GCSH: variants seen among roughly 807,000 people sequenced by gnomAD.
GCSH encodes the protein glycine cleavage system protein H, also known as glycine cleavage system H protein, mitochondrial.
In GCSH, 15 loss-of-function variants were observed where a neutral mutation model predicts 21.3. That is an observed-to-expected ratio of 0.70 (90% CI 0.47 to 1.08). The LOEUF is 1.08. Among genes scored for constraint, GCSH ranks in the 50% least tolerant of loss-of-function variants. GCSH has a pLI of 0.00. For missense variants in GCSH, 179 were observed against 217.5 expected (o/e 0.82, Z 1.11); for synonymous variants, 59 against 84.5 (o/e 0.70, Z 1.66).
chr16:81,082,811 A>T lies in GCSH; in HGVS notation c.*55T>A. 2.4e-6 allele frequency: 2 copies of T among 837,166 alleles called. No homozygotes were observed. Among genetic ancestry groups the T allele is most frequent in the Admixed American group, 3.5e-5 (2 of 56,476 alleles). 51.9% of individuals were successfully genotyped at this position (837,166 alleles called of 1,614,324 possible). A position where few individuals can be genotyped will look rare whatever the true frequency, so the allele number is the denominator to read the frequency against. Reference sequence around the variant, plus strand: ...AAGTCTTCTATCCACCACTAATTTAAGACAACTCTGCTGGCTTGCGTTATT... The same window carrying T: ...AAGTCTTCTATCCACCACTAATTTATGACAACTCTGCTGGCTTGCGTTATT... On this transcript the variant is annotated 3_prime_UTR_variant, in exon 5 of 5. Coordinates refer to ENST00000315467, the MANE Select transcript of GCSH (RefSeq NM_004483.5).
Position 81,082,435 on chromosome 16 carries a change from G to A in GCSH, c.*431C>T, listed in dbSNP as rs1972185358. On this transcript the variant is annotated 3_prime_UTR_variant, in exon 5 of 5. Coordinates refer to ENST00000315467, the MANE Select transcript of GCSH (RefSeq NM_004483.5). ...ATTAAGATAGTGGTGTTCCTCATCTGACACTGTACAAGCAACAAAACCTCT... is the reference window on the plus strand; with the variant it reads ...ATTAAGATAGTGGTGTTCCTCATCTAACACTGTACAAGCAACAAAACCTCT... 2.6e-6 allele frequency: 1 copy of A among 388,040 alleles called. No individual in the cohort carries two copies. Among genetic ancestry groups the A allele is most frequent in the Non-Finnish European group, 5.0e-6 (1 of 198,572 alleles). 24.0% of individuals were successfully genotyped at this position (388,040 alleles called of 1,614,324 possible).
At chr16:81,095,425 C>G (rs1044270060) in intron 1 of GCSH, among the ~76,000 whole-genome samples, 2 of 147,778 alleles carry the variant, frequency 1.4e-5, no homozygotes, top group Admixed American at 6.8e-5. Flanking sequence ...CTCTGTCGCC[C>G]AGGCTGGAGT....
intron 2 of GCSH, 58 bp downstream of exon 2, chr16:81,090,543 A>T: frequency 8.7e-7 from 1 of 1,151,496 alleles, no homozygotes. Flanking sequence ...AAAAAGGTAG[A>T]GATAAAGCAA....
chr16:81,090,466 C>T (rs1337127127), intron 2 of GCSH, 135 bp downstream of exon 2: 9 of 709,194 alleles, frequency 1.3e-5, no homozygotes, highest in South Asian at 2.9e-5. Flanking sequence ...AAGCAATCCT[C>T]CTGCCTCAGC....
At chr16:81,093,191 AATAG>A (rs915076495) in intron 1 of GCSH, among the ~76,000 whole-genome samples, 4 of 152,170 alleles carry the variant, frequency 2.6e-5, no homozygotes, top group Admixed American at 1.3e-4. Flanking sequence ...TTCTGAGGAA[AATAG>A]ATAGTATATA....
At chr16:81,087,890 C>G (rs777197505) in intron 2 of GCSH, among the ~76,000 whole-genome samples, 1 of 151,948 alleles carries the variant, frequency 6.6e-6, no homozygotes, top group African/African-American at 2.4e-5. Context: ...TTGAAAGGCC[C>G]AAAGTGGGTG....
chr16:81,094,868 G>A (rs1425838911), intron 1 of GCSH, among the ~76,000 whole-genome samples: 2 of 152,060 alleles, frequency 1.3e-5, no homozygotes, highest in South Asian at 4.1e-4. Flanking sequence ...AGGCTGAGGC[G>A]GGTGGATCAC....
intron 1 of GCSH, among the ~76,000 whole-genome samples, chr16:81,094,986 G>C (rs35209121): frequency 2.6e-5 from 4 of 151,940 alleles, no homozygotes; most frequent in African/African-American, 7.2e-5. Context: ...CCAGCTACTC[G>C]GGAGGCTGAG....
chr16:81,090,928 C>G (rs1972385882), intron 1 of GCSH: 1 of 570,690 alleles, frequency 1.8e-6, no homozygotes, highest in East Asian at 3.2e-5. Flanking sequence ...ATTGGATTAT[C>G]TGCTTTAACA....
rs757998089 is a variant in GCSH, at chr16:81,084,539, T to C, written c.348A>G (p.Leu116=). The change falls in exon 4 of 5, where the codon TTA becomes TTG. Residue 116 remains leucine (L), a synonymous_variant. Transcript: ENST00000315467. ...CATTAATTTCAGTTACTTCTCCTGATAAAGGAGAATAGAGTTCACTAGCAG... is the reference window on the plus strand; with the variant it reads ...CATTAATTTCAGTTACTTCTCCTGACAAAGGAGAATAGAGTTCACTAGCAG... The part of the protein sequence containing the change: ...VKAASELYSP[L]SGEVTEINEA... 3.8e-6 allele frequency: 6 copies of C among 1,580,622 alleles called. No homozygotes were observed. In the East Asian group the frequency reaches 1.3e-4, roughly 35 times the overall value.
intron 3 of GCSH, among the ~76,000 whole-genome samples, chr16:81,086,627 T>C (rs1241198701): frequency 1.3e-5 from 2 of 151,272 alleles, no homozygotes; most frequent in Non-Finnish European, 2.9e-5. Context: ...AGGGACCCTA[T>C]AGGACAATAT....
intron 2 of GCSH, 78 bp downstream of exon 2, chr16:81,090,523 A>C (rs1972377143): frequency 9.9e-7 from 1 of 1,010,348 alleles, no homozygotes; most frequent in Non-Finnish European, 1.6e-6. Context: ...CACGCAGCCT[A>C]AACACTTTTA....
chr16:81,088,936 A>G (rs1439894130), intron 2 of GCSH, among the ~76,000 whole-genome samples: 1 of 152,194 alleles, frequency 6.6e-6, no homozygotes, highest in East Asian at 1.9e-4. Flanking sequence ...TTTGCAAGTC[A>G]TTCTCATGTA....
intron 1 of GCSH, among the ~76,000 whole-genome samples, chr16:81,094,074 ATT>A (rs1259713925): frequency 1.3e-5 from 2 of 151,716 alleles, no homozygotes; most frequent in Non-Finnish European, 2.9e-5. Context: ...AATTTTTTGT[ATT>A]TTTGGTAGAG....
chr16:81,088,843 G>A (rs1972335839), intron 2 of GCSH, among the ~76,000 whole-genome samples: 1 of 152,132 alleles, frequency 6.6e-6, no homozygotes, highest in Admixed American at 6.6e-5. Flanking sequence ...TGTACTCCCT[G>A]AAGTCCCTGA....
At chr16:81,090,461 A>G in intron 2 of GCSH, 140 bp downstream of exon 2, 7 of 701,268 alleles carry the variant, frequency 1.0e-5, no homozygotes, top group Non-Finnish European at 1.6e-5. Flanking sequence ...GCCTCAAGCA[A>G]TCCTCCTGCC....
intron 4 of GCSH, chr16:81,083,249 G>A (rs1223260950): frequency 7.7e-6 from 3 of 389,262 alleles, no homozygotes; most frequent in Non-Finnish European, 1.5e-5. Context: ...CGGGCACGGT[G>A]GCTCATGCCT....
chr16:81,087,453 G>A, intron 3 of GCSH, 148 bp downstream of exon 3: 1 of 686,426 alleles, frequency 1.5e-6, no homozygotes, highest in Admixed American at 2.2e-5. Flanking sequence ...GGCCGAGATG[G>A]TGCCACTGCA....
intron 1 of GCSH, among the ~76,000 whole-genome samples, chr16:81,093,018 G>C (rs966967332): frequency 1.2e-4 from 18 of 151,728 alleles, no homozygotes; most frequent in Middle Eastern, 3.2e-3. Flanking sequence ...TATAATCCTA[G>C]CTACTTGGGA....
Sources: gnomAD v4.1 joint callset for allele counts (sites outside exome capture counted in the v4.1 genomes callset) on GRCh38, gnomAD v4.1.1 for gene constraint, MANE v1.5 for transcripts, NCBI Gene and HGNC (gene_info 2026-07-23, HGNC 2026-07-21) for gene names.